Variants in SYNPO2 observed in about 807,000 individuals in gnomAD.
The protein encoded by SYNPO2 is synaptopodin-2.
A neutral mutation model predicts 85.0 loss-of-function variants in SYNPO2; 56 were observed. The ratio of observed to expected loss-of-function variants is 0.66; its 90% confidence interval spans 0.53 to 0.82. The LOEUF is 0.82. Ranked by LOEUF, SYNPO2 falls within the 40% of genes least tolerant of loss-of-function variation. The pLI is 0.00. For synonymous variants in SYNPO2, 602 were observed against 591.1 expected, an observed-to-expected ratio of 1.02 and a Z score of -0.27; for missense variants, 1,575 against 1,534.2, an observed-to-expected ratio of 1.03 and a Z score of -0.44.
At chr4:118,925,530 C>A (rs933686032) in intron 1 of SYNPO2, among the ~76,000 whole-genome samples, 2 of 152,106 alleles carry the variant, frequency 1.3e-5, no homozygotes, top group African/African-American at 4.8e-5. Flanking sequence ...TGATCTTTGT[C>A]ATTGTTTCCC....
At chr4:118,888,297 T>C (rs1403907805), upstream of SYNPO2, among the ~76,000 whole-genome samples, 1 of 152,244 alleles carries the variant, frequency 6.6e-6, no homozygotes, top group African/African-American at 2.4e-5. Flanking sequence ...GTCTCTTCTC[T>C]TCCCCTTTCT....
intron 4 of SYNPO2, among the ~76,000 whole-genome samples, chr4:119,055,684 A>G (rs1739185863): frequency 1.3e-5 from 2 of 152,256 alleles, no homozygotes; most frequent in Non-Finnish European, 2.9e-5. Context: ...ACTAAAAGTC[A>G]GGATTCCCCA....
chr4:118,863,254 T>C (rs948957310), intron 1 of SYNPO2, among the ~76,000 whole-genome samples: 1 of 152,232 alleles, frequency 6.6e-6, no homozygotes, highest in Non-Finnish European at 1.5e-5. Context: ...TTTAAATGTT[T>C]GATAGACTTC....
At chr4:118,964,297 A>AACACACAC (rs10523074) in intron 1 of SYNPO2, among the ~76,000 whole-genome samples, 85 of 140,706 alleles carry the variant, frequency 6.0e-4, no homozygotes, top group South Asian at 1.9e-3. Flanking sequence ...AAACACACAC[A>AACACACAC]ACACACACAC....
At chr4:119,025,698 C>T (rs79712820) in intron 2 of SYNPO2, among the ~76,000 whole-genome samples, 8,040 of 151,960 alleles carry the variant, frequency 0.053, 286 homozygotes, top group Middle Eastern at 0.095. Flanking sequence ...ATGCTGCTTC[C>T]AAAATTAAAA....
chr4:118,895,974 C>T (rs542982715), intron 1 of SYNPO2, among the ~76,000 whole-genome samples: 3 of 151,992 alleles, frequency 2.0e-5, no homozygotes, highest in South Asian at 2.1e-4. Context: ...AATATTAATT[C>T]GGTTGATAAA....
intron 1 of SYNPO2, among the ~76,000 whole-genome samples, chr4:118,863,256 A>G (rs1731643957): frequency 6.6e-6 from 1 of 152,102 alleles, no homozygotes; most frequent in Non-Finnish European, 1.5e-5. Context: ...TAAATGTTTG[A>G]TAGACTTCAG....
At chr4:118,911,766 A>C (rs920385845) in intron 1 of SYNPO2, among the ~76,000 whole-genome samples, 1 of 152,238 alleles carries the variant, frequency 6.6e-6, no homozygotes, top group African/African-American at 2.4e-5. Context: ...AGTTGAGATG[A>C]GACATGAACT....
intron 1 of SYNPO2, among the ~76,000 whole-genome samples, chr4:118,910,091 A>C (rs1733086417): frequency 6.6e-6 from 1 of 152,206 alleles, no homozygotes; most frequent in South Asian, 2.1e-4. Flanking sequence ...ACGGTTCACC[A>C]GTCCCTTCTG....
intron 1 of SYNPO2, among the ~76,000 whole-genome samples, chr4:119,007,672 T>C (rs1234118895): frequency 1.3e-5 from 2 of 152,188 alleles, no homozygotes; most frequent in Non-Finnish European, 2.9e-5. Flanking sequence ...TTGGTCTTCA[T>C]GTTTATGTCT....
chr4:118,986,219 A>G (rs964624064), intron 1 of SYNPO2, among the ~76,000 whole-genome samples: 1 of 152,218 alleles, frequency 6.6e-6, no homozygotes, highest in African/African-American at 2.4e-5. Context: ...TAATCAGCCC[A>G]TAGGATGCCC....
intron 1 of SYNPO2, among the ~76,000 whole-genome samples, chr4:119,021,675 T>A (rs1737728794): frequency 6.6e-6 from 1 of 152,106 alleles, no homozygotes; most frequent in Non-Finnish European, 1.5e-5. Context: ...AGACTAAAGG[T>A]AGTCTTAAGG....
At chr4:118,879,118 A>G (rs1232470523) in intron 1 of SYNPO2, among the ~76,000 whole-genome samples, 1 of 152,156 alleles carries the variant, frequency 6.6e-6, no homozygotes, top group Non-Finnish European at 1.5e-5. Flanking sequence ...AAGACCACAG[A>G]ACTCGCCAGA....
At chr4:118,866,144 A>G (rs879331751) in intron 1 of SYNPO2, among the ~76,000 whole-genome samples, 11 of 152,200 alleles carry the variant, frequency 7.2e-5, no homozygotes, top group Non-Finnish European at 8.8e-5. Context: ...TTGTCTTTGT[A>G]GCCCATAGTT....
chr4:118,967,021 A>G (rs1268533659), intron 1 of SYNPO2, among the ~76,000 whole-genome samples: 3 of 152,228 alleles, frequency 2.0e-5, no homozygotes, highest in Non-Finnish European at 4.4e-5. Flanking sequence ...ATTATTGAGC[A>G]TAATGGATAT....
chr4:119,001,405 G>A (rs1736819993), intron 1 of SYNPO2, among the ~76,000 whole-genome samples: 4 of 152,162 alleles, frequency 2.6e-5, no homozygotes, highest in African/African-American at 9.7e-5. Flanking sequence ...TTGTCCTTAA[G>A]TAGATACTCA....
In SYNPO2 at chr4:119,030,283, A is replaced by G. The variant is rs761331892; in HGVS notation, c.1508A>G (p.Asp503Gly). The G allele has an allele frequency of 9.3e-6, 15 of 1,613,886 alleles. No homozygotes were observed. Among genetic ancestry groups the G allele is most frequent in the Non-Finnish European group, 2.5e-6 (3 of 1,180,006 alleles). The change falls in exon 4 of 5, where the codon GAT becomes GGT. Residue 503 changes from aspartate (D) to glycine (G), a missense_variant. Around this residue, in one of 3 missense-constraint regions of SYNPO2, gnomAD observed 1,508 missense variants for 1,446.8 expected, o/e 1.04. Transcript: ENST00000307142. ...TTTGCCAAGAGGAGGGAGAGAATGG[A>G]TCAGATCACAGCCCAAAAAGAAGAG... ...LMFAKRRERM[D>G]QITAQKEEDK...
rs1019636761 is a variant in SYNPO2 at position 119,058,556 on chromosome 4, C to T, written c.*622C>T. 7.4e-6 allele frequency: 1 copy of T among 135,788 alleles called. No individual in the cohort carries two copies. The highest frequency in any genetic ancestry group is 1.5e-5 in the Non-Finnish European group (1 of 65,356). 8.4% of individuals were successfully genotyped at this position (135,788 alleles called of 1,614,324 possible). The stretch of plus-strand genomic sequence containing the variant: ...ATGGTGCGATCTTGGCTCACTGCAA[C>T]CTGCGCCTCCTGGGTTCAAGCAATT... On this transcript the variant is annotated 3_prime_UTR_variant, in exon 5 of 5. Transcript: ENST00000307142.
chr4:118,930,119 A>G (rs1578560102), intron 1 of SYNPO2, among the ~76,000 whole-genome samples: 2 of 152,320 alleles, frequency 1.3e-5, no homozygotes, highest in East Asian at 3.9e-4. Context: ...TATGTTAGCA[A>G]TAATGAAACT....
Sources: allele counts gnomAD v4.1 joint callset (sites outside exome capture counted in the v4.1 genomes callset), GRCh38; gene constraint gnomAD v4.1.1; regional missense constraint gnomAD v4.1.1; transcripts MANE v1.5; gene names NCBI Gene and HGNC (gene_info 2026-07-23, HGNC 2026-07-21).